The following ZDHHC17 variants were observed in gnomAD, a reference collection of about 807,000 sequenced individuals.
The protein encoded by ZDHHC17 is palmitoyltransferase ZDHHC17.
ZDHHC17 carries 40 observed loss-of-function variants against 90.3 expected under a neutral mutation model. The ratio of observed to expected loss-of-function variants is 0.44; its 90% CI spans 0.34 to 0.58. The LOEUF is 0.58. Ranked by LOEUF, ZDHHC17 falls within the 20% of genes least tolerant of loss-of-function variation. The probability of loss-of-function intolerance (pLI) is 0.01; values close to 1 mark genes in which losing one functional copy is unlikely to be tolerated. For synonymous variants in ZDHHC17, 235 were observed against 252.4 expected (o/e 0.93, Z 0.65); for missense variants, 614 against 780.8 (o/e 0.79, Z 2.55).
chr12:76,814,712 A>G (rs1953063698), intron 5 of ZDHHC17, among the ~76,000 whole-genome samples: 1 of 151,910 alleles, frequency 6.6e-6, no homozygotes, highest in African/African-American at 2.4e-5. Flanking sequence ...AAAAATGTAC[A>G]TGTGTAACAG....
chr12:76,793,146 C>G (rs1030809663), intron 1 of ZDHHC17, among the ~76,000 whole-genome samples: 2 of 152,200 alleles, frequency 1.3e-5, no homozygotes, highest in African/African-American at 4.8e-5. Context: ...GTCCTTTGCT[C>G]AGATAAACTC....
At chr12:76,777,986 A>G (rs1271661535) in intron 1 of ZDHHC17, among the ~76,000 whole-genome samples, 1 of 152,162 alleles carries the variant, frequency 6.6e-6, no homozygotes, top group Admixed American at 6.5e-5. Context: ...CAGTGGGACT[A>G]TGCCTTTTTT....
chr12:76,770,874 T>A lies in ZDHHC17; in HGVS notation c.93+6545T>A, dbSNP rs371627377. Among the ~76,000 whole-genome samples the A allele has an allele frequency of 4.7e-5, 7 of 149,878 alleles. No individual in the cohort carries two copies. The South Asian group carries it at 1.5e-3, about 32-fold the overall frequency. On this transcript the variant is annotated intron_variant, in intron 1 of 16. Coordinates refer to ENST00000426126, the MANE Select transcript of ZDHHC17 (RefSeq NM_015336.4). ...ATCGCTTGAACCTGGGAGGCAGAGG[T>A]TGTGAGCTAAGATCGTGCCATCCTG...
At chr12:76,829,856 T>A (rs1012083314) in intron 10 of ZDHHC17, among the ~76,000 whole-genome samples, 6 of 152,186 alleles carry the variant, frequency 3.9e-5, no homozygotes, top group African/African-American at 1.4e-4. Flanking sequence ...ATTTTAATTT[T>A]TTTAACCTGT....
intron 12 of ZDHHC17, 100 bp downstream of exon 12, chr12:76,843,081 A>G (rs552939180): frequency 6.0e-6 from 5 of 830,682 alleles, no homozygotes; most frequent in Middle Eastern, 2.3e-4. Context: ...ATTATTTTCA[A>G]TGAACACATT....
At chr12:76,831,671 G>A (rs116966075) in intron 10 of ZDHHC17, among the ~76,000 whole-genome samples, 9 of 151,848 alleles carry the variant, frequency 5.9e-5, no homozygotes, top group Non-Finnish European at 8.8e-5. Context: ...TTGAGACATC[G>A]TCTCACTGTG....
At position 76,829,328 on chromosome 12, in the gene ZDHHC17, G is replaced by A. The variant is rs148982491; in HGVS notation, c.1141+838G>A. Among the ~76,000 whole-genome samples the A allele has an allele frequency of 3.2e-3, 488 of 151,768 alleles. 1 individual carries two copies. Among genetic ancestry groups the A allele is most frequent in the African/African-American group, 0.011 (464 of 41,362 alleles). ...AAAAATTAGCCAGGTGTGGTGGCAC[G>A]TGCCTGTATTCCCAGCTACTCGGGA... On this transcript the variant is annotated intron_variant, in intron 10 of 16. Transcript: ENST00000426126.
chr12:76,815,630 G>T (rs1014177138), intron 6 of ZDHHC17, among the ~76,000 whole-genome samples: 10 of 151,630 alleles, frequency 6.6e-5, no homozygotes, highest in Non-Finnish European at 1.5e-5. Context: ...GGACCAAGTT[G>T]CTTATCCCCT....
chr12:76,805,524 T>G (rs1476713794), intron 3 of ZDHHC17, 85 bp downstream of exon 3: 2 of 1,151,536 alleles, frequency 1.7e-6, no homozygotes, highest in Admixed American at 5.8e-5. Flanking sequence ...TAAAAACTAA[T>G]ACTTTCTAAA....
intron 3 of ZDHHC17, among the ~76,000 whole-genome samples, chr12:76,807,341 A>C (rs540326091): frequency 9.2e-5 from 14 of 152,304 alleles, no homozygotes; most frequent in African/African-American, 3.4e-4. Flanking sequence ...ATTGACTTTC[A>C]ACCATTGTTT....
Position 76,799,793 on chromosome 12 carries a change from A to G in ZDHHC17, c.197+2256A>G, listed in dbSNP as rs560656945. ...GTTTGTTTTTAGGTTTAAATAGGCT[A>G]TCTTATCTAAATACAGGTTGAGTCC... is the stretch of plus-strand genomic sequence containing the variant. On this transcript the variant is annotated intron_variant, in intron 2 of 16. Coordinates refer to ENST00000426126, the MANE Select transcript of ZDHHC17 (RefSeq NM_015336.4). 1.5e-4 allele frequency among the ~76,000 whole-genome samples: 23 copies of G among 152,300 alleles called. No homozygotes were observed. The South Asian group carries it at 2.5e-3, about 16-fold the overall frequency.
At chr12:76,823,074 A>G (rs1953185352) in intron 8 of ZDHHC17, among the ~76,000 whole-genome samples, 1 of 152,118 alleles carries the variant, frequency 6.6e-6, no homozygotes, top group Non-Finnish European at 1.5e-5. Flanking sequence ...AAGGATGGGT[A>G]TATATGAAAT....
At chr12:76,839,377 T>C (rs1304042429) in intron 10 of ZDHHC17, among the ~76,000 whole-genome samples, 1 of 152,236 alleles carries the variant, frequency 6.6e-6, no homozygotes, top group Admixed American at 6.5e-5. Flanking sequence ...AGTTTTGAAC[T>C]TTATGATACA....
chr12:76,804,285 A>C (rs1952928388), intron 2 of ZDHHC17, among the ~76,000 whole-genome samples: 1 of 152,224 alleles, frequency 6.6e-6, no homozygotes, highest in Non-Finnish European at 1.5e-5. Flanking sequence ...CTATTAATAA[A>C]CAAATGCCCA....
chr12:76,797,462 A>G lies in ZDHHC17; in HGVS notation c.122A>G (p.His41Arg), dbSNP rs777226701. The stretch of plus-strand genomic sequence containing the variant: ...ATCAAACCCCAAAGCCATTATAACC[A>G]TGGATATGGTGAACCTCTTGGACGG... ...EEIKPQSHYN[H>R]GYGEPLGRKT... Residue 41 changes from histidine to arginine, a missense_variant, in exon 2 of 17, where the codon CAT (histidine) becomes CGT (arginine). Coordinates refer to ENST00000426126, the MANE Select transcript of ZDHHC17 (RefSeq NM_015336.4). 6 of 1,609,922 alleles carry G rather than the reference A, an allele frequency of 3.7e-6. No homozygotes were observed. The highest frequency in any genetic ancestry group is 1.1e-5 in the South Asian group (1 of 90,024).
At position 76,848,393 on chromosome 12, in the gene ZDHHC17, A is replaced by G. The variant is rs755601001; in HGVS notation, c.1665+3A>G. 11 of 1,613,502 alleles carry G rather than the reference A, an allele frequency of 6.8e-6. No individual in the cohort carries two copies. The highest frequency in any genetic ancestry group is 3.3e-5 in the Admixed American group (2 of 59,980). ...TACTCATGTGTCAGATGTACCAGGTATGTGCAAAGGCATTCTTTTTAGTGC... is the reference window on the plus strand; with the variant it reads ...TACTCATGTGTCAGATGTACCAGGTGTGTGCAAAGGCATTCTTTTTAGTGC... On this transcript the variant is annotated splice_donor_region_variant and intron_variant, in intron 15 of 16. Transcript: ENST00000426126.
At chr12:76,830,003 T>C (rs1002686021) in intron 10 of ZDHHC17, among the ~76,000 whole-genome samples, 1 of 152,190 alleles carries the variant, frequency 6.6e-6, no homozygotes, top group Non-Finnish European at 1.5e-5. Context: ...AATATACTTT[T>C]TAAAACTAAT....
intron 7 of ZDHHC17, among the ~76,000 whole-genome samples, chr12:76,818,086 TCATGTAATTC>T (rs1431739646): frequency 6.6e-6 from 1 of 152,148 alleles, no homozygotes; most frequent in East Asian, 1.9e-4. Flanking sequence ...AAAATTTTTC[TCATGTAATTC>T]CCTGGTAGCT....
chr12:76,831,539 A>G (rs1953301204), intron 10 of ZDHHC17, among the ~76,000 whole-genome samples: 1 of 151,934 alleles, frequency 6.6e-6, no homozygotes. Context: ...TTTAGTAGAG[A>G]CGGGGTTTCA....
Sources: allele counts gnomAD v4.1 joint callset (sites outside exome capture counted in the v4.1 genomes callset), GRCh38; gene constraint gnomAD v4.1.1; transcripts MANE v1.5; gene names NCBI Gene and HGNC (gene_info 2026-07-23, HGNC 2026-07-21).